DMD: variants seen among roughly 807,000 people sequenced by gnomAD.
The protein encoded by DMD is dystrophin.
Under a neutral mutation model 330.1 loss-of-function variants are expected in DMD, and 63 were observed. The ratio of observed to expected loss-of-function variants is 0.19; its 90% CI spans 0.16 to 0.24. The LOEUF (loss-of-function observed/expected upper bound fraction) is 0.24, where lower values mean the gene tolerates loss of function less well. DMD is among the 10% of genes least tolerant of loss of function. DMD has a pLI of 1.00. For missense variants in DMD, 3,344 were observed against 2,684.1 expected (o/e 1.25, Z -5.43); for synonymous variants, 1,223 against 959.8 (o/e 1.27, Z -5.07).
At chrX:33,314,977 C>T (rs1045509229) in intron 1 of DMD, among the ~76,000 whole-genome samples, 2 of 110,719 alleles carry the variant, frequency 1.8e-5, no homozygotes, top group Non-Finnish European at 3.8e-5. Flanking sequence ...CACCACCATG[C>T]CTGGCTAATT....
chrX:31,786,178 G>C (rs1477140050), intron 50 of DMD, among the ~76,000 whole-genome samples: 1 of 111,791 alleles, frequency 8.9e-6, no homozygotes, highest in African/African-American at 3.3e-5. Flanking sequence ...TTGCGGTTTT[G>C]ATTTGCATTT....
intron 1 of DMD, among the ~76,000 whole-genome samples, chrX:33,285,666 T>C (rs1433108868): frequency 8.9e-6 from 1 of 112,069 alleles, no homozygotes; most frequent in East Asian, 2.8e-4. Context: ...GTGTGATATT[T>C]GCCTCTAGGA....
chrX:31,184,246 T>G (rs1347357086), intron 67 of DMD, among the ~76,000 whole-genome samples: 2 of 112,352 alleles, frequency 1.8e-5, no homozygotes, highest in Non-Finnish European at 3.8e-5. Context: ...TTTGGGGTCT[T>G]GTTTTTATTT....
intron 1 of DMD, among the ~76,000 whole-genome samples, chrX:33,205,234 T>A (rs1256055564): frequency 8.9e-6 from 1 of 112,735 alleles, no homozygotes; most frequent in Non-Finnish European, 1.9e-5. Context: ...AGATTATTAT[T>A]TTTTCACTTA....
chrX:32,502,139 T>C (rs773624716), intron 18 of DMD, among the ~76,000 whole-genome samples: 1 of 111,658 alleles, frequency 9.0e-6, no homozygotes, highest in East Asian at 2.8e-4. Context: ...AAAAAGGCAA[T>C]TCATAACAAT....
intron 1 of DMD, among the ~76,000 whole-genome samples, chrX:33,105,961 A>C (rs2095283371): frequency 9.1e-6 from 1 of 110,351 alleles, no homozygotes; most frequent in South Asian, 3.9e-4. Context: ...TGAAAAAGGC[A>C]CCTGCATACA....
intron 2 of DMD, among the ~76,000 whole-genome samples, chrX:32,961,921 T>C (rs1002021891): frequency 8.9e-6 from 1 of 112,070 alleles, no homozygotes; most frequent in South Asian, 3.6e-4. Flanking sequence ...TAATTTCTTA[T>C]GGATAATTTC....
chrX:33,307,294 C>T (rs975212786), intron 1 of DMD, among the ~76,000 whole-genome samples: 7 of 111,832 alleles, frequency 6.3e-5, no homozygotes, highest in Non-Finnish European at 1.1e-4. Flanking sequence ...AATAAAAATT[C>T]AGATGTTATA....
chrX:31,946,232 C>A (rs2150071891), intron 45 of DMD, among the ~76,000 whole-genome samples: 1 of 111,377 alleles, frequency 9.0e-6, no homozygotes, highest in African/African-American at 3.3e-5. Flanking sequence ...AAAACTATGT[C>A]AATATCAGCC....
intron 2 of DMD, among the ~76,000 whole-genome samples, chrX:32,876,718 G>T (rs1019455976): frequency 6.3e-5 from 7 of 111,375 alleles, no homozygotes; most frequent in African/African-American, 2.3e-4. Context: ...AACTAGCATT[G>T]TCTATTGCAC....
At chrX:32,916,828 T>C (rs1160932921) in intron 2 of DMD, among the ~76,000 whole-genome samples, 9 of 111,790 alleles carry the variant, frequency 8.1e-5, no homozygotes, top group East Asian at 2.8e-4. Context: ...TATATGGTAG[T>C]ATAATAAACA....
intron 1 of DMD, among the ~76,000 whole-genome samples, chrX:33,206,844 G>A (rs756273794): frequency 7.4e-5 from 8 of 108,408 alleles, no homozygotes; most frequent in African/African-American, 2.7e-4. Context: ...TTGTATGGCC[G>A]TGAGATGAGG....
At chrX:31,892,069 G>C (rs1287437583) in intron 47 of DMD, among the ~76,000 whole-genome samples, 2 of 111,651 alleles carry the variant, frequency 1.8e-5, no homozygotes, top group Non-Finnish European at 3.8e-5. Flanking sequence ...CCATCCATCT[G>C]GGACCAGCTA....
At chrX:32,677,941 T>C (rs1355228388) in intron 9 of DMD, among the ~76,000 whole-genome samples, 1 of 111,651 alleles carries the variant, frequency 9.0e-6, no homozygotes. Flanking sequence ...AAGGAAAACT[T>C]GCAATATGTG....
chrX:32,287,544 T>C lies in DMD; in HGVS notation c.6275A>G (p.Tyr2092Cys), dbSNP rs745717858. Residue 2092 changes from tyrosine (Y) to cysteine (C), a missense_variant, in exon 43 of 79, where the codon TAC becomes TGC. Physicochemically the swap from Tyr to Cys is radical, Grantham distance 194. Coordinates refer to ENST00000357033, the MANE Select transcript of DMD (RefSeq NM_004006.3). ...DFQWEKVNKM[Y>C]KDRQGRFDRS... ...TGTTACCTACCCTTGTCGGTCCTTG[T>C]ACATTTTGTTAACTTTTTCCCATTG... 8.3e-7 allele frequency: 1 copy of C among 1,211,018 alleles called. No individual in the cohort carries two copies. Among genetic ancestry groups the C allele is most frequent in the Non-Finnish European group, 1.1e-6 (1 of 895,046 alleles).
chrX:33,289,988 A>G (rs2053489078), intron 1 of DMD, among the ~76,000 whole-genome samples: 1 of 111,759 alleles, frequency 8.9e-6, no homozygotes, highest in Admixed American at 9.6e-5. Flanking sequence ...CAAACATAAC[A>G]TGACATGAAT....
chrX:32,227,508 G>T (rs1411440068), intron 43 of DMD, among the ~76,000 whole-genome samples: 2 of 106,790 alleles, frequency 1.9e-5, no homozygotes, highest in Admixed American at 2.0e-4. Context: ...GCTAAATAAT[G>T]TGTACACATG....
chrX:32,205,650 A>G (rs958748323), intron 44 of DMD, among the ~76,000 whole-genome samples: 1 of 112,262 alleles, frequency 8.9e-6, no homozygotes, highest in African/African-American at 3.2e-5. Context: ...CAATTTCAAT[A>G]TCCTGAGCAC....
chrX:32,239,851 T>C (rs1362851622), intron 43 of DMD, among the ~76,000 whole-genome samples: 1 of 112,203 alleles, frequency 8.9e-6, no homozygotes, highest in Non-Finnish European at 1.9e-5. Flanking sequence ...TACCACCTTC[T>C]ATAGTCTCTT....
Sources: gnomAD v4.1 joint callset for allele counts (sites outside exome capture counted in the v4.1 genomes callset) on GRCh38, gnomAD v4.1.1 for gene constraint, MANE v1.5 for transcripts, NCBI Gene and HGNC (gene_info 2026-07-23, HGNC 2026-07-21) for gene names.